Variants in GALNTL6 observed in about 807,000 individuals in gnomAD.
GALNTL6 encodes polypeptide N-acetylgalactosaminyltransferase-like 6.
GALNTL6 carries 46 observed loss-of-function variants against 73.7 expected under a neutral mutation model. The observed-to-expected ratio is 0.62, with a 90% CI of 0.49 to 0.80. GALNTL6 has a LOEUF of 0.80. Among genes scored for constraint, GALNTL6 ranks in the 30% least tolerant of loss-of-function variants. The pLI is 0.00. For missense variants in GALNTL6, 604 were observed against 755.0 expected (o/e 0.80, Z 2.34); for synonymous variants, 259 against 263.7 (o/e 0.98, Z 0.17).
At chr4:172,956,823 T>C (rs887397329) in intron 10 of GALNTL6, among the ~76,000 whole-genome samples, 3 of 152,150 alleles carry the variant, frequency 2.0e-5, no homozygotes, top group Non-Finnish European at 2.9e-5. Context: ...TAAAAGACCA[T>C]TTGTCCATTC....
intron 10 of GALNTL6, among the ~76,000 whole-genome samples, chr4:173,007,982 T>C (rs975386903): frequency 6.6e-6 from 1 of 152,216 alleles, no homozygotes; most frequent in African/African-American, 2.4e-5. Context: ...TCTGCAAATT[T>C]TCAAAGGTCA....
chr4:172,933,943 T>C (rs1748480681), intron 9 of GALNTL6, among the ~76,000 whole-genome samples: 1 of 152,208 alleles, frequency 6.6e-6, no homozygotes, highest in Admixed American at 6.5e-5. Flanking sequence ...ACTTCCAAAA[T>C]ATTTAAACAC....
chr4:172,540,509 G>A, intron 5 of GALNTL6, among the ~76,000 whole-genome samples: 1 of 152,138 alleles, frequency 6.6e-6, no homozygotes, highest in South Asian at 2.1e-4. Context: ...GAGCCAATAT[G>A]AGCAACTGCA....
At chr4:172,633,688 A>G (rs1739515212) in intron 5 of GALNTL6, among the ~76,000 whole-genome samples, 1 of 152,148 alleles carries the variant, frequency 6.6e-6, no homozygotes, top group Non-Finnish European at 1.5e-5. Context: ...GAGATCTTGG[A>G]GGGGCCAGGG....
chr4:171,879,376 A>T (rs890055382), intron 2 of GALNTL6, among the ~76,000 whole-genome samples: 1 of 152,144 alleles, frequency 6.6e-6, no homozygotes, highest in Non-Finnish European at 1.5e-5. Context: ...CTTTTTTTCT[A>T]CATTTTTATA....
intron 2 of GALNTL6, among the ~76,000 whole-genome samples, chr4:172,129,818 C>T (rs1266810631): frequency 1.3e-5 from 2 of 152,102 alleles, no homozygotes; most frequent in Non-Finnish European, 2.9e-5. Flanking sequence ...GTCCTAGAAT[C>T]CAAGAGGAGA....
At chr4:172,465,259 C>T (rs778528992) in intron 5 of GALNTL6, among the ~76,000 whole-genome samples, 10 of 152,052 alleles carry the variant, frequency 6.6e-5, no homozygotes, top group African/African-American at 1.4e-4. Flanking sequence ...AGGTGGATCA[C>T]GAGGTCAGGA....
At chr4:172,613,056 C>A (rs1294512484) in intron 5 of GALNTL6, among the ~76,000 whole-genome samples, 2 of 152,090 alleles carry the variant, frequency 1.3e-5, no homozygotes, top group East Asian at 1.9e-4. Flanking sequence ...AGTCCACATT[C>A]ATTCAGCTTC....
intron 2 of GALNTL6, among the ~76,000 whole-genome samples, chr4:172,140,640 C>T (rs908689628): frequency 5.3e-5 from 8 of 151,954 alleles, no homozygotes; most frequent in Non-Finnish European, 1.0e-4. Flanking sequence ...ACGCTGTCTC[C>T]AGAAATGTTC....
rs533220617 is a variant in GALNTL6 at position 171,837,580 on chromosome 4, T to G, written c.138+22862T>G. Among the ~76,000 whole-genome samples, 408 of 147,212 alleles carry G rather than the reference T, an allele frequency of 2.8e-3. 4 individuals carry two copies. The highest frequency in any genetic ancestry group is 9.5e-3 in the African/African-American group (386 of 40,548). ...ATAAATACATATTATATATTAATAT[T>G]ATAGATATTAATTATTATATATTAA... On this transcript the variant is annotated intron_variant, in intron 2 of 12. Coordinates refer to ENST00000506823, the MANE Select transcript of GALNTL6 (RefSeq NM_001034845.3).
intron 7 of GALNTL6, among the ~76,000 whole-genome samples, chr4:172,871,458 C>T (rs1744926682): frequency 6.6e-6 from 1 of 151,888 alleles, no homozygotes; most frequent in Non-Finnish European, 1.5e-5. Context: ...ATCTACTTTT[C>T]CTTCATTCTT....
intron 2 of GALNTL6, among the ~76,000 whole-genome samples, chr4:172,111,342 C>T (rs572272828): frequency 6.4e-4 from 97 of 152,136 alleles, no homozygotes; most frequent in African/African-American, 2.0e-3. Flanking sequence ...GTCAATACTA[C>T]ATGATTAAGT....
At chr4:172,770,579 G>A (rs2110861823) in intron 5 of GALNTL6, among the ~76,000 whole-genome samples, 1 of 152,160 alleles carries the variant, frequency 6.6e-6, no homozygotes, top group South Asian at 2.1e-4. Context: ...ATAAAAAGCA[G>A]GCAAATCAGT....
intron 5 of GALNTL6, among the ~76,000 whole-genome samples, chr4:172,657,665 C>G (rs537404517): frequency 6.6e-6 from 1 of 152,214 alleles, no homozygotes; most frequent in South Asian, 2.1e-4. Flanking sequence ...TAGCACCCAA[C>G]TCTCACCTCA....
chr4:172,525,081 A>G (rs138001351), intron 5 of GALNTL6, among the ~76,000 whole-genome samples: 2,318 of 152,200 alleles, frequency 0.015, 24 homozygotes, highest in Middle Eastern at 0.024. Flanking sequence ...TCAATTGTCT[A>G]TTTCTAAATT....
intron 4 of GALNTL6, among the ~76,000 whole-genome samples, chr4:172,344,677 G>T (rs2111207786): frequency 6.6e-6 from 1 of 152,242 alleles, no homozygotes; most frequent in Admixed American, 6.5e-5. Context: ...TTCATGATCT[G>T]TTCTCAATGT....
At chr4:172,415,509 G>A (rs1311682252) in intron 5 of GALNTL6, among the ~76,000 whole-genome samples, 2 of 152,076 alleles carry the variant, frequency 1.3e-5, no homozygotes, top group African/African-American at 4.8e-5. Flanking sequence ...ATGGTTATAA[G>A]GCTCAAATCT....
intron 2 of GALNTL6, among the ~76,000 whole-genome samples, chr4:171,993,089 C>T (rs1368568599): frequency 6.6e-6 from 1 of 151,916 alleles, no homozygotes; most frequent in Non-Finnish European, 1.5e-5. Flanking sequence ...AACTCCCTCC[C>T]CAACAACACG....
chr4:172,053,274 G>A (rs977387993), intron 2 of GALNTL6, among the ~76,000 whole-genome samples: 6 of 151,848 alleles, frequency 4.0e-5, no homozygotes, highest in African/African-American at 9.7e-5. Flanking sequence ...ACCAGACATG[G>A]TGTTTTTTTA....
Sources: gnomAD v4.1 joint callset for allele counts (sites outside exome capture counted in the v4.1 genomes callset) on GRCh38, gnomAD v4.1.1 for gene constraint, MANE v1.5 for transcripts, NCBI Gene and HGNC (gene_info 2026-07-23, HGNC 2026-07-21) for gene names.